HNRNPLL: variants seen among roughly 807,000 people sequenced by gnomAD.
HNRNPLL encodes the protein heterogeneous nuclear ribonucleoprotein L like, also known as heterogeneous nuclear ribonucleoprotein L-like.
Under a neutral mutation model 67.1 loss-of-function variants are expected in HNRNPLL, and 25 were observed. That is an observed-to-expected ratio of 0.37 (90% CI 0.27 to 0.52). The LOEUF (loss-of-function observed/expected upper bound fraction) is 0.52. Among genes scored for constraint, HNRNPLL ranks in the 20% least tolerant of loss-of-function variants. HNRNPLL has a pLI of 0.90. For missense variants in HNRNPLL, 542 were observed against 673.9 expected (o/e 0.80, Z 2.17); for synonymous variants, 267 against 241.7 (o/e 1.10, Z -0.97).
intron 2 of HNRNPLL, among the ~76,000 whole-genome samples, chr2:38,587,973 CTCTT>C (rs904456662): frequency 4.6e-5 from 7 of 152,168 alleles, no homozygotes; most frequent in Middle Eastern, 3.4e-3. Flanking sequence ...TCTCTCTCCT[CTCTT>C]TTTTTTCTCT....
intron 12 of HNRNPLL, among the ~76,000 whole-genome samples, chr2:38,564,613 C>CAAAAA (rs70954732): frequency 1.9e-4 from 7 of 36,982 alleles, no homozygotes; most frequent in East Asian, 7.5e-4. Flanking sequence ...GACTCCGTCT[C>CAAAAA]AAAAAAAAAA....
At chr2:38,585,419 T>C (rs1296222868) in intron 3 of HNRNPLL, among the ~76,000 whole-genome samples, 5 of 152,232 alleles carry the variant, frequency 3.3e-5, no homozygotes. Context: ...TGATTATACA[T>C]TAAAAATTTC....
At chr2:38,567,603 T>C (rs997111089) in intron 12 of HNRNPLL, among the ~76,000 whole-genome samples, 1 of 152,196 alleles carries the variant, frequency 6.6e-6, no homozygotes, top group Non-Finnish European at 1.5e-5. Context: ...AAGCTATAGC[T>C]TGAAGGTGAT....
chr2:38,576,255 C>T (rs867139541), intron 7 of HNRNPLL, among the ~76,000 whole-genome samples: 1 of 151,800 alleles, frequency 6.6e-6, no homozygotes, highest in African/African-American at 2.4e-5. Flanking sequence ...CAGCTGACTG[C>T]CATGACTCTA....
At chr2:38,570,642 T>C (rs1488008329) in intron 8 of HNRNPLL, among the ~76,000 whole-genome samples, 1 of 152,174 alleles carries the variant, frequency 6.6e-6, no homozygotes, top group Non-Finnish European at 1.5e-5. Flanking sequence ...ATGATATCAT[T>C]CAGCCTAATG....
At chr2:38,577,320 A>G (rs111409779) in intron 7 of HNRNPLL, 141 bp downstream of exon 7, 8 of 556,364 alleles carry the variant, frequency 1.4e-5, no homozygotes, top group Non-Finnish European at 3.3e-6. Context: ...AACTCCTGGG[A>G]GTACATTACA....
At chr2:38,579,279 GC>G (rs1267199680) in intron 6 of HNRNPLL, among the ~76,000 whole-genome samples, 1 of 151,960 alleles carries the variant, frequency 6.6e-6, no homozygotes, top group East Asian at 1.9e-4. Context: ...CTATCTTTCA[GC>G]CAAACATTCT....
intron 7 of HNRNPLL, among the ~76,000 whole-genome samples, chr2:38,576,238 T>C (rs1162784372): frequency 1.3e-5 from 2 of 151,866 alleles, no homozygotes; most frequent in Non-Finnish European, 3.0e-5. Context: ...AACCAGTTTT[T>C]AGCCTTCAGC....
intron 2 of HNRNPLL, 87 bp downstream of exon 2, chr2:38,591,443 C>A: frequency 1.3e-6 from 1 of 774,742 alleles, no homozygotes; most frequent in South Asian, 1.4e-5. Context: ...ACAATATTTA[C>A]TATGCTAAAC....
At chr2:38,597,811 C>T (rs982932417) in intron 1 of HNRNPLL, among the ~76,000 whole-genome samples, 7 of 152,000 alleles carry the variant, frequency 4.6e-5, no homozygotes, top group Admixed American at 6.5e-5. Flanking sequence ...CCTCAGCCTC[C>T]GGAGTAGCTG....
chr2:38,565,556 A>G (rs1306180940), intron 12 of HNRNPLL, among the ~76,000 whole-genome samples: 1 of 151,810 alleles, frequency 6.6e-6, no homozygotes, highest in African/African-American at 2.4e-5. Context: ...AAAAAAATTT[A>G]AAAATAAACA....
At position 38,581,896 on chromosome 2, in the gene HNRNPLL, A is replaced by G. The variant is rs773501405; in HGVS notation, c.802+17T>C. 2.6e-5 allele frequency: 41 copies of G among 1,556,796 alleles called. No homozygotes were observed. In the Admixed American group the frequency reaches 3.0e-4, roughly 11 times the overall value. ...GTCAGCAGATCAAGTACATTCTAAA[A>G]TGTATAAAATACCTACCTCGTCTTC... On this transcript the variant is annotated intron_variant, in intron 6 of 12. Transcript: ENST00000449105.
chr2:38,577,564 A>G (rs1666348177), intron 6 of HNRNPLL, 32 bp from the exon 7 acceptor site: 3 of 1,400,512 alleles, frequency 2.1e-6, no homozygotes, highest in African/African-American at 2.8e-5. Flanking sequence ...GGTTTTAACA[A>G]TTTTGACCCA....
At position 38,564,011 on chromosome 2, in the gene HNRNPLL, A is replaced by G. The variant is rs1665751651; in HGVS notation, c.*171T>C. ...TTCTATCTTAAAATGAAAACAATTC[A>G]ATATTTAAGCTTACAACAAATTTAC... On this transcript the variant is annotated 3_prime_UTR_variant, in exon 13 of 13. Transcript: ENST00000449105. The G allele has an allele frequency of 1.0e-5, 6 of 574,706 alleles. No homozygotes were observed. In the South Asian group the frequency reaches 1.3e-4, roughly 13 times the overall value. The allele number at this position is 574,706 out of a possible 1,614,324, so 35.6% of individuals were successfully genotyped here. A position where few individuals can be genotyped will look rare whatever the true frequency, so the allele number is the denominator to read the frequency against.
intron 12 of HNRNPLL, among the ~76,000 whole-genome samples, chr2:38,566,815 C>T (rs1156857853): frequency 1.4e-5 from 2 of 144,814 alleles, no homozygotes; most frequent in Non-Finnish European, 3.0e-5. Context: ...GAGACCTTGT[C>T]TCTATTAAAA....
rs79867825 is a variant in HNRNPLL, at chr2:38,587,999, T to C, written c.309-2118A>G. On this transcript the variant is annotated intron_variant, in intron 2 of 12. Coordinates refer to ENST00000449105, the MANE Select transcript of HNRNPLL (RefSeq NM_138394.4). ...TCTTTTTTTTCTCTCTCTCTCCTGC[T>C]GGCTATGTAAAGATGTGCGTACTTC... Among the ~76,000 whole-genome samples, 72 of 152,256 alleles carry C rather than the reference T, an allele frequency of 4.7e-4. 4 individuals carry two copies. In the East Asian group the frequency reaches 0.014, roughly 29 times the overall value.
chr2:38,583,287 T>G (rs1666606903), intron 4 of HNRNPLL, among the ~76,000 whole-genome samples: 1 of 152,240 alleles, frequency 6.6e-6, no homozygotes. Flanking sequence ...GCGTTTGCTG[T>G]ATATCCCTAC....
chr2:38,590,234 A>C (rs1164339301), intron 2 of HNRNPLL, among the ~76,000 whole-genome samples: 6 of 152,212 alleles, frequency 3.9e-5, no homozygotes, highest in Non-Finnish European at 1.5e-5. Flanking sequence ...TTATCACCTA[A>C]TACTACTATT....
At chr2:38,601,263 G>C (rs1667419444) in intron 1 of HNRNPLL, among the ~76,000 whole-genome samples, 1 of 152,096 alleles carries the variant, frequency 6.6e-6, no homozygotes. Context: ...TCACATCCTG[G>C]TAACTGGAAA....
Sources: gnomAD v4.1 joint callset for allele counts (sites outside exome capture counted in the v4.1 genomes callset) on GRCh38, gnomAD v4.1.1 for gene constraint, MANE v1.5 for transcripts, NCBI Gene and HGNC (gene_info 2026-07-23, HGNC 2026-07-21) for gene names.